Variants in LMBR1 observed in about 807,000 individuals in gnomAD.
LMBR1 encodes limb development membrane protein 1, also known as limb region 1 protein homolog.
A neutral mutation model predicts 73.9 loss-of-function variants in LMBR1; 52 were observed. The observed-to-expected ratio is 0.70, with a 90% CI of 0.56 to 0.89. LMBR1 has a LOEUF of 0.89. Among genes scored for constraint, LMBR1 ranks in the 40% least tolerant of loss-of-function variants. The pLI, the probability that LMBR1 is intolerant of heterozygous loss-of-function variation, is 0.00. For missense variants in LMBR1, 539 were observed against 579.8 expected, an observed-to-expected ratio of 0.93 and a Z score of 0.72; for synonymous variants, 215 against 209.4, an observed-to-expected ratio of 1.03 and a Z score of -0.23.
At chr7:156,843,125 A>C (rs1279783984) in intron 1 of LMBR1, among the ~76,000 whole-genome samples, 1 of 152,164 alleles carries the variant, frequency 6.6e-6, no homozygotes, top group African/African-American at 2.4e-5. Context: ...TTGTTCTCCC[A>C]GTCTCCCTCA....
intron 4 of LMBR1, among the ~76,000 whole-genome samples, chr7:156,798,934 C>G (rs899266645): frequency 2.6e-5 from 4 of 151,910 alleles, no homozygotes; most frequent in Admixed American, 2.6e-4. Flanking sequence ...TGGCTCATAC[C>G]TGTAATCCCA....
intron 1 of LMBR1, among the ~76,000 whole-genome samples, chr7:156,872,659 AC>A (rs1276085804): frequency 1.3e-5 from 2 of 152,102 alleles, no homozygotes; most frequent in African/African-American, 4.8e-5. Context: ...AAAAAAAAAA[AC>A]AACCTAAGAA....
Position 156,707,710 on chromosome 7 carries a change from G to A in LMBR1, c.1225+16402C>T, listed in dbSNP as rs1035250994. On this transcript the variant is annotated intron_variant, in intron 15 of 16. Transcript: ENST00000353442. ...CCTCCACAGATTAAGCATGCAAAGA[G>A]CATACTTCAAAATAATAAAGATCAT... Among the ~76,000 whole-genome samples the A allele has an allele frequency of 3.9e-5, 6 of 152,214 alleles. 1 individual carries two copies. The highest frequency in any genetic ancestry group is 3.3e-4 in the Admixed American group (5 of 15,292).
At chr7:156,699,872 G>C (rs969346087) in intron 15 of LMBR1, among the ~76,000 whole-genome samples, 1 of 152,216 alleles carries the variant, frequency 6.6e-6, no homozygotes, top group African/African-American at 2.4e-5. Context: ...ACACCAGTTA[G>C]AATGGCGATC....
chr7:156,869,351 TTC>T (rs1157035345), intron 1 of LMBR1, among the ~76,000 whole-genome samples: 1 of 152,196 alleles, frequency 6.6e-6, no homozygotes, highest in East Asian at 1.9e-4. Flanking sequence ...AGACTTTATA[TTC>T]TGTCTTATTG....
intron 3 of LMBR1, 131 bp from the exon 4 acceptor site, chr7:156,826,875 G>T: frequency 1.3e-6 from 1 of 799,142 alleles, no homozygotes; most frequent in Non-Finnish European, 1.9e-6. Context: ...TTAAATATAT[G>T]TAGTTGGGAG....
At chr7:156,854,699 G>A (rs1201578925) in intron 1 of LMBR1, among the ~76,000 whole-genome samples, 1 of 152,204 alleles carries the variant, frequency 6.6e-6, no homozygotes. Flanking sequence ...CACCTGTGAA[G>A]GTCACAGACC....
intron 4 of LMBR1, among the ~76,000 whole-genome samples, chr7:156,820,464 G>C (rs1834586951): frequency 6.6e-6 from 1 of 152,126 alleles, no homozygotes; most frequent in African/African-American, 2.4e-5. Flanking sequence ...TTTGCTGATT[G>C]TAACTAGTGA....
chr7:156,862,314 A>G (rs1797840742), intron 1 of LMBR1, among the ~76,000 whole-genome samples: 1 of 152,172 alleles, frequency 6.6e-6, no homozygotes, highest in Non-Finnish European at 1.5e-5. Context: ...TCACAAGAAC[A>G]GCAGGGGAAA....
chr7:156,688,177 C>A lies in LMBR1; in HGVS notation c.1240G>T (p.Asp414Tyr). The A allele has an allele frequency of 6.3e-7, 1 of 1,597,634 alleles. No homozygotes were observed. The highest frequency in any genetic ancestry group is 1.1e-5 in the South Asian group (1 of 87,682). ...AACCTTCCAAAGTCGCCAAGTAGAT[C>A]AAATCTAGTGATTCCTGTTAAAAAT... ...MSRTLGITRF[D>Y]LLGDFGRFNW... Residue 414 changes from aspartate to tyrosine, a missense_variant, in exon 16 of 17, where the codon GAT (aspartate) becomes TAT (tyrosine). Around this residue, in one of 3 missense-constraint regions of LMBR1, gnomAD observed 16 missense variants for 37.9 expected, o/e 0.42. Transcript: ENST00000353442.
At chr7:156,803,217 T>C (rs186715348) in intron 4 of LMBR1, among the ~76,000 whole-genome samples, 4,767 of 151,912 alleles carry the variant, frequency 0.031, 120 homozygotes, top group South Asian at 0.083. Context: ...AACAGGCAAC[T>C]TACAAAATGG....
At chr7:156,746,287 T>C (rs1489671100) in intron 9 of LMBR1, among the ~76,000 whole-genome samples, 3 of 152,184 alleles carry the variant, frequency 2.0e-5, no homozygotes, top group African/African-American at 7.2e-5. Context: ...CATGCAAAGA[T>C]TTATTATTCT....
intron 5 of LMBR1, among the ~76,000 whole-genome samples, chr7:156,787,875 C>T (rs942889350): frequency 3.3e-5 from 5 of 152,228 alleles, no homozygotes; most frequent in Non-Finnish European, 5.9e-5. Context: ...CTCCCAGGTT[C>T]GAGCGATTCT....
At chr7:156,786,847 T>TA (rs1336912462) in intron 5 of LMBR1, among the ~76,000 whole-genome samples, 1 of 152,188 alleles carries the variant, frequency 6.6e-6, no homozygotes, top group Non-Finnish European at 1.5e-5. Context: ...ATCAACTTTC[T>TA]AAAACCAGCC....
chr7:156,766,218 G>C (rs1346709293), intron 5 of LMBR1, among the ~76,000 whole-genome samples: 4 of 152,076 alleles, frequency 2.6e-5, no homozygotes, highest in African/African-American at 9.7e-5. Flanking sequence ...ACAGCAGATG[G>C]CCTTGGGATT....
intron 9 of LMBR1, among the ~76,000 whole-genome samples, chr7:156,736,867 C>CA (rs1407609386): frequency 3.3e-5 from 5 of 152,086 alleles, no homozygotes; most frequent in Non-Finnish European, 7.4e-5. Flanking sequence ...AATTCAAACC[C>CA]AAAACATCCT....
At chr7:156,886,170 C>G (rs990893802) in intron 1 of LMBR1, among the ~76,000 whole-genome samples, 3 of 152,112 alleles carry the variant, frequency 2.0e-5, no homozygotes, top group Non-Finnish European at 4.4e-5. Context: ...CACACTCTGC[C>G]TCAAAAATAA....
chr7:156,763,705 T>A lies in LMBR1; in HGVS notation c.514A>T (p.Ile172Phe), dbSNP rs1823553621. 2 of 1,596,800 alleles carry A rather than the reference T, an allele frequency of 1.3e-6. No homozygotes were observed. Among genetic ancestry groups the A allele is most frequent in the Non-Finnish European group, 1.7e-6 (2 of 1,175,668 alleles). Residue 172 changes from isoleucine (I) to phenylalanine (F), a missense_variant, in exon 6 of 17, where the codon ATT becomes TTT. Ile to Phe is a conservative substitution (Grantham distance 21, BLOSUM62 0). Coordinates refer to ENST00000353442, the MANE Select transcript of LMBR1 (RefSeq NM_022458.4). ...LGIVWVASALIDNDAASMESL... is the reference protein window; with the variant it reads ...LGIVWVASALFDNDAASMESL... The stretch of plus-strand genomic sequence containing the variant: ...TCCATGCTTGCGGCATCGTTGTCAA[T>A]GAGTGCTGAAGCTACCCACACTATC...
intron 3 of LMBR1, among the ~76,000 whole-genome samples, chr7:156,828,147 C>T (rs990759813): frequency 1.3e-5 from 2 of 152,182 alleles, no homozygotes; most frequent in Admixed American, 1.3e-4. Flanking sequence ...AGGTCCCACA[C>T]GGCTATCCCA....
Sources: allele counts gnomAD v4.1 joint callset (sites outside exome capture counted in the v4.1 genomes callset), GRCh38; gene constraint gnomAD v4.1.1; regional missense constraint gnomAD v4.1.1; transcripts MANE v1.5; gene names NCBI Gene and HGNC (gene_info 2026-07-23, HGNC 2026-07-21).